The following BBS7 variants were observed in gnomAD, a reference collection of about 807,000 sequenced individuals.
BBS7 encodes the protein BBSome complex member BBS7.
In BBS7, 50 loss-of-function variants were observed where a neutral mutation model predicts 90.3. The observed-to-expected ratio is 0.55, with a 90% confidence interval of 0.44 to 0.70. BBS7 has a LOEUF of 0.70. Among genes scored for constraint, BBS7 ranks in the 30% least tolerant of loss-of-function variants. The pLI is 0.00. For missense variants in BBS7, 729 were observed against 838.9 expected, an observed-to-expected ratio of 0.87 and a Z score of 1.62; for synonymous variants, 235 against 287.4, an observed-to-expected ratio of 0.82 and a Z score of 1.85.
rs1727306135 is a variant in BBS7 at position 121,866,857 on chromosome 4, G to A, written c.102+1124C>T. Among the ~76,000 whole-genome samples the A allele has an allele frequency of 2.6e-5, 4 of 152,052 alleles. No homozygotes were observed. In the South Asian group the frequency reaches 8.3e-4, roughly 32 times the overall value. ...AGCTTTGTAGTATATTTTGAGATCT[G>A]GTAGTGTAATGCCCCAGCTTTGTTC... On this transcript the variant is annotated intron_variant, in intron 2 of 18. Coordinates refer to ENST00000264499, the MANE Select transcript of BBS7 (RefSeq NM_176824.3).
chr4:121,857,058 C>G (rs1029289236), intron 5 of BBS7, among the ~76,000 whole-genome samples: 2 of 151,734 alleles, frequency 1.3e-5, no homozygotes, highest in Non-Finnish European at 1.5e-5. Context: ...CGTGAGCCAC[C>G]ACATCAGGAC....
chr4:121,849,754 C>G (rs748310421), intron 8 of BBS7, among the ~76,000 whole-genome samples: 1 of 152,028 alleles, frequency 6.6e-6, no homozygotes, highest in African/African-American at 2.4e-5. Context: ...CACTTCGACC[C>G]GGAAGGCGGA....
At chr4:121,831,966 T>A (rs1725203132) in intron 15 of BBS7, among the ~76,000 whole-genome samples, 1 of 148,266 alleles carries the variant, frequency 6.7e-6, no homozygotes, top group Non-Finnish European at 1.5e-5. Flanking sequence ...GAAAGAATAA[T>A]GAGCTCTCTC....
intron 4 of BBS7, 184 bp downstream of exon 4, chr4:121,861,320 A>T (rs865994774): frequency 1.6e-5 from 9 of 566,180 alleles, no homozygotes; most frequent in Non-Finnish European, 2.4e-5. Flanking sequence ...AAAGTTCTTT[A>T]AAAAAATTTC....
Position 121,870,210 on chromosome 4 carries a change from G to T in BBS7, c.36+68C>A, listed in dbSNP as rs1248970786. ...CTGGCGACCGAGACTTTCGTCAGTG[G>T]AAGGAAGGAATCCTCTCCGGGTGCT... On this transcript the variant is annotated intron_variant, in intron 1 of 18. Coordinates refer to ENST00000264499, the MANE Select transcript of BBS7 (RefSeq NM_176824.3). 5 of 1,601,584 alleles carry T rather than the reference G, an allele frequency of 3.1e-6. No individual in the cohort carries two copies. The East Asian group carries it at 1.1e-4, about 36-fold the overall frequency.
intron 5 of BBS7, among the ~76,000 whole-genome samples, chr4:121,857,972 A>G (rs1726772777): frequency 6.6e-6 from 1 of 151,986 alleles, no homozygotes. Flanking sequence ...GCACCCAGCT[A>G]ATTTTGTATT....
At chr4:121,835,063 A>T (rs1725382552) in intron 14 of BBS7, 81 bp downstream of exon 14, 3 of 1,449,688 alleles carry the variant, frequency 2.1e-6, no homozygotes, top group Non-Finnish European at 2.9e-6. Context: ...TGCTAACAGA[A>T]TTTACACTAT....
chr4:121,866,885 T>C (rs1159195203), intron 2 of BBS7, among the ~76,000 whole-genome samples: 1 of 152,194 alleles, frequency 6.6e-6, no homozygotes, highest in Non-Finnish European at 1.5e-5. Flanking sequence ...CTTTGTTCCT[T>C]TTACTCAGGA....
chr4:121,847,862 C>G (rs1294551482), intron 9 of BBS7, among the ~76,000 whole-genome samples: 1 of 151,990 alleles, frequency 6.6e-6, no homozygotes, highest in Non-Finnish European at 1.5e-5. Context: ...AAATTACTTT[C>G]ATGGAAATTT....
In BBS7 at chr4:121,854,650, A is replaced by G. The variant is rs1039913791; in HGVS notation, c.718+54T>C. On this transcript the variant is annotated intron_variant, in intron 7 of 18. Coordinates refer to ENST00000264499, the MANE Select transcript of BBS7 (RefSeq NM_176824.3). ...TAAAATAGAATAAATTATATAATTT[A>G]AGATACTTAATAATCATTGACACCT... 8.5e-6 allele frequency: 13 copies of G among 1,536,822 alleles called. No homozygotes were observed. In the African/African-American group the frequency reaches 1.6e-4, roughly 19 times the overall value.
At chr4:121,847,683 A>C (rs1726086177) in intron 9 of BBS7, among the ~76,000 whole-genome samples, 177 bp from the exon 10 acceptor site, 3 of 152,194 alleles carry the variant, frequency 2.0e-5, no homozygotes, top group Admixed American at 6.5e-5. Context: ...GAAAATATTC[A>C]GACTACAGAG....
intron 12 of BBS7, among the ~76,000 whole-genome samples, chr4:121,840,860 C>A (rs999219454): frequency 6.9e-6 from 1 of 145,378 alleles, no homozygotes. Context: ...TTTTTTGAGA[C>A]AGAGTCTTGC....
At chr4:121,859,760 A>C (rs1225926547) in intron 4 of BBS7, among the ~76,000 whole-genome samples, 2 of 151,886 alleles carry the variant, frequency 1.3e-5, no homozygotes, top group Non-Finnish European at 1.5e-5. Context: ...ACTAAATGAT[A>C]AACAGCAGAA....
intron 15 of BBS7, among the ~76,000 whole-genome samples, chr4:121,832,019 C>CACACAT (rs1449386635): frequency 2.0e-5 from 3 of 149,362 alleles, no homozygotes; most frequent in Admixed American, 1.3e-4. Flanking sequence ...AACACACACA[C>CACACAT]ACACACACAC....
At chr4:121,865,598 T>C (rs939710868) in intron 2 of BBS7, among the ~76,000 whole-genome samples, 3 of 152,214 alleles carry the variant, frequency 2.0e-5, no homozygotes, top group Admixed American at 6.5e-5. Context: ...ACCACTTTTT[T>C]TTATACATTC....
At chr4:121,830,466 G>C (rs1217197356) in intron 15 of BBS7, among the ~76,000 whole-genome samples, 2 of 151,770 alleles carry the variant, frequency 1.3e-5, no homozygotes, top group Non-Finnish European at 2.9e-5. Flanking sequence ...TTACTACTTT[G>C]ATCTCAATTA....
chr4:121,837,076 C>T (rs1486789563), intron 13 of BBS7, among the ~76,000 whole-genome samples: 2 of 152,198 alleles, frequency 1.3e-5, no homozygotes, highest in East Asian at 1.9e-4. Context: ...TATCATGCCT[C>T]GGCCTCCCAA....
chr4:121,833,433 G>A (rs768468832), intron 14 of BBS7, 38 bp from the exon 15 acceptor site: 2 of 1,579,710 alleles, frequency 1.3e-6, no homozygotes, highest in South Asian at 2.2e-5. Context: ...TTATGTGTGG[G>A]AATACATGAA....
intron 18 of BBS7, among the ~76,000 whole-genome samples, chr4:121,827,084 C>T (rs1434152554): frequency 6.6e-6 from 1 of 152,146 alleles, no homozygotes; most frequent in East Asian, 1.9e-4. Context: ...CAAGATTTTG[C>T]TGTCAAATTA....
Sources: gnomAD v4.1 joint callset for allele counts (sites outside exome capture counted in the v4.1 genomes callset) on GRCh38, gnomAD v4.1.1 for gene constraint, MANE v1.5 for transcripts, NCBI Gene and HGNC (gene_info 2026-07-23, HGNC 2026-07-21) for gene names.